The following KLF8 variants were observed in gnomAD, a reference collection of about 807,000 sequenced individuals.
KLF8 encodes the protein Krueppel-like factor 8.
In KLF8, 10 loss-of-function variants were observed where a neutral mutation model predicts 18.2. The ratio of observed to expected loss-of-function variants is 0.55; its 90% CI spans 0.34 to 0.93. KLF8 has a LOEUF of 0.93. KLF8 is among the 40% of genes least tolerant of loss of function. KLF8 has a pLI of 0.02. For missense variants in KLF8, 264 were observed against 277.9 expected (o/e 0.95, Z 0.36); for synonymous variants, 109 against 97.3 (o/e 1.12, Z -0.71).
the KLF8 span, among the ~76,000 whole-genome samples, chrX:56,120,337 G>A: frequency 2.7e-5 from 3 of 111,542 alleles, no homozygotes; most frequent in Non-Finnish European, 5.6e-5. Flanking sequence ...GGTAATACAG[G>A]AAATTTTCCC....
upstream of KLF8, among the ~76,000 whole-genome samples, chrX:56,231,569 C>T (rs773337549): frequency 2.7e-5 from 3 of 111,308 alleles, no homozygotes; most frequent in Non-Finnish European, 5.7e-5. Flanking sequence ...TCTTCTTTTT[C>T]CTCCTCTTTA....
At chrX:56,048,011 T>C in the KLF8 span, among the ~76,000 whole-genome samples, 2 of 112,318 alleles carry the variant, frequency 1.8e-5, no homozygotes, top group African/African-American at 6.5e-5. Flanking sequence ...ATTTCTCTGA[T>C]GGCCAGTCAT....
chrX:56,198,332 A>G, the KLF8 span, among the ~76,000 whole-genome samples: 2 of 111,762 alleles, frequency 1.8e-5, no homozygotes, highest in Non-Finnish European at 3.8e-5. Context: ...GGTATATTTA[A>G]ATAACCCCAT....
chrX:56,180,123 G>T, the KLF8 span, among the ~76,000 whole-genome samples: 1 of 111,292 alleles, frequency 9.0e-6, no homozygotes, highest in African/African-American at 3.3e-5. Flanking sequence ...TCTGATCCTG[G>T]ACTTTTTTTG....
the KLF8 span, among the ~76,000 whole-genome samples, chrX:56,034,092 C>T: frequency 8.9e-6 from 1 of 111,791 alleles, no homozygotes; most frequent in East Asian, 2.8e-4. Context: ...CATTGCCAGA[C>T]CAATTTCATG....
the KLF8 span, among the ~76,000 whole-genome samples, chrX:56,160,099 C>T: frequency 8.9e-6 from 1 of 111,772 alleles, no homozygotes; most frequent in Non-Finnish European, 1.9e-5. Flanking sequence ...TCTTTGTTCT[C>T]ATTGGTTTCA....
chrX:56,290,911 C>T lies in KLF8; in HGVS notation c.*6417C>T, dbSNP rs183826227. ...AGGGGAAGAGATACTATTTTGTTAA[C>T]TGTTAAAAGCTCTCCTTCCTTTCCT... is the stretch of plus-strand genomic sequence containing the variant. On this transcript the variant is annotated 3_prime_UTR_variant, in exon 6 of 6. Coordinates refer to ENST00000468660, the MANE Select transcript of KLF8 (RefSeq NM_007250.5). Among the ~76,000 whole-genome samples, 17 of 111,548 alleles carry T rather than the reference C, an allele frequency of 1.5e-4. No individual in the cohort carries two copies. In the Admixed American group the frequency reaches 1.5e-3, roughly 10 times the overall value.
At chrX:56,197,848 T>C in the KLF8 span, among the ~76,000 whole-genome samples, 1 of 112,048 alleles carries the variant, frequency 8.9e-6, no homozygotes, top group Non-Finnish European at 1.9e-5. Context: ...AATAAAATAC[T>C]GGCAAACCGA....
the KLF8 span, among the ~76,000 whole-genome samples, chrX:55,938,891 T>G: frequency 1.8e-5 from 2 of 111,786 alleles, no homozygotes; most frequent in African/African-American, 6.5e-5. Flanking sequence ...CTTAGTGACC[T>G]ACAAAGAGAC....
the KLF8 span, among the ~76,000 whole-genome samples, chrX:56,194,490 G>A: frequency 8.9e-6 from 1 of 112,152 alleles, no homozygotes; most frequent in Non-Finnish European, 1.9e-5. Flanking sequence ...ACTGCGAGGT[G>A]GCAGCCTGAC....
At chrX:56,284,256 C>G (rs1369770834) in intron 5 of KLF8, 57 bp from the exon 6 acceptor site, 2 of 911,897 alleles carry the variant, frequency 2.2e-6, no homozygotes, top group African/African-American at 4.1e-5. Flanking sequence ...TATTATCTTT[C>G]TAGTATCCGA....
upstream of KLF8, among the ~76,000 whole-genome samples, chrX:56,229,105 T>C: frequency 9.1e-6 from 1 of 109,507 alleles, no homozygotes; most frequent in Non-Finnish European, 1.9e-5. Flanking sequence ...GCAGAGAGGG[T>C]GGAGTCCTCT....
chrX:56,145,264 A>G, the KLF8 span, among the ~76,000 whole-genome samples: 1 of 112,258 alleles, frequency 8.9e-6, no homozygotes, highest in Non-Finnish European at 1.9e-5. Context: ...TCAAAGTCAT[A>G]GTGTGATACT....
the KLF8 span, among the ~76,000 whole-genome samples, chrX:56,066,373 C>T: frequency 8.9e-6 from 1 of 112,082 alleles, no homozygotes; most frequent in African/African-American, 3.2e-5. Context: ...CTCTCAGGCC[C>T]CTCAGTGGTT....
the KLF8 span, among the ~76,000 whole-genome samples, chrX:56,135,086 C>T: frequency 5.4e-5 from 6 of 111,514 alleles, no homozygotes; most frequent in South Asian, 3.8e-4. Context: ...AATGGGAACA[C>T]TTTTACACTG....
At chrX:55,990,637 A>T in the KLF8 span, among the ~76,000 whole-genome samples, 5 of 111,452 alleles carry the variant, frequency 4.5e-5, no homozygotes, top group Admixed American at 9.5e-5. Context: ...GGTTTTATCT[A>T]CATTTGGTCT....
At chrX:55,928,120 C>T in the KLF8 span, among the ~76,000 whole-genome samples, 2 of 111,684 alleles carry the variant, frequency 1.8e-5, no homozygotes, top group African/African-American at 3.3e-5. Flanking sequence ...CTTTTATGAC[C>T]TCGACATTTT....
At chrX:56,100,902 C>T in the KLF8 span, among the ~76,000 whole-genome samples, 3 of 111,623 alleles carry the variant, frequency 2.7e-5, no homozygotes, top group Middle Eastern at 4.7e-3. Flanking sequence ...TTAAAGTGTG[C>T]GGTGCAATGA....
the KLF8 span, among the ~76,000 whole-genome samples, chrX:56,031,900 C>T: frequency 4.5e-5 from 5 of 111,568 alleles, no homozygotes; most frequent in East Asian, 1.1e-3. Flanking sequence ...CGTGATCGAT[C>T]GAGCGATCTA....
Sources: allele counts gnomAD v4.1 joint callset (sites outside exome capture counted in the v4.1 genomes callset), GRCh38; gene constraint gnomAD v4.1.1; transcripts MANE v1.5; gene names NCBI Gene and HGNC (gene_info 2026-07-23, HGNC 2026-07-21).